Variants in SMAD4 observed in about 807,000 individuals in gnomAD.
SMAD4 encodes the protein SMAD family member 4.
In SMAD4, 7 loss-of-function variants were observed where a neutral mutation model predicts 63.2. That is an observed-to-expected ratio of 0.11 (90% CI 0.06 to 0.21). The LOEUF (loss-of-function observed/expected upper bound fraction) is 0.21. Ranked by LOEUF, SMAD4 falls within the 10% of genes least tolerant of loss-of-function variation. The pLI, the probability that SMAD4 is intolerant of heterozygous loss-of-function variation, is 1.00. For synonymous variants in SMAD4, 215 were observed against 235.4 expected, an observed-to-expected ratio of 0.91 and a Z score of 0.79; for missense variants, 312 against 693.8, an observed-to-expected ratio of 0.45 and a Z score of 6.18.
At position 51,064,467 on chromosome 18, in the gene SMAD4, G is replaced by C. The variant is rs112533050; in HGVS notation, c.956-956G>C. 5.2e-4 allele frequency among the ~76,000 whole-genome samples: 79 copies of C among 152,302 alleles called. 1 individual carries two copies. In the East Asian group the frequency reaches 0.013, roughly 25 times the overall value. ...CTCTGTGAGAACAGGGACTGTAGCT[G>C]TTTTGTTTTCTACTGTGTATGCAGT... On this transcript the variant is annotated intron_variant, in intron 8 of 11. Coordinates refer to ENST00000342988, the MANE Select transcript of SMAD4 (RefSeq NM_005359.6).
chr18:51,041,722 C>T (rs1909390693), intron 1 of SMAD4, among the ~76,000 whole-genome samples: 1 of 152,216 alleles, frequency 6.6e-6, no homozygotes, highest in African/African-American at 2.4e-5. Flanking sequence ...CATTTAAGGA[C>T]ATATGTAGAA....
At chr18:51,041,026 C>G (rs189449879) in intron 1 of SMAD4, among the ~76,000 whole-genome samples, 2 of 152,282 alleles carry the variant, frequency 1.3e-5, no homozygotes, top group East Asian at 3.9e-4. Context: ...AGACTCCAGT[C>G]TTTTCTACCT....
intron 1 of SMAD4, among the ~76,000 whole-genome samples, chr18:51,042,215 C>A (rs1256993598): frequency 6.6e-6 from 1 of 151,862 alleles, no homozygotes; most frequent in Non-Finnish European, 1.5e-5. Context: ...TAGCCCAGAA[C>A]CTAACTCTAT....
chr18:51,034,172 T>G (rs2144374927), intron 1 of SMAD4, among the ~76,000 whole-genome samples: 1 of 152,248 alleles, frequency 6.6e-6, no homozygotes, highest in Non-Finnish European at 1.5e-5. Context: ...CTCCCAATGT[T>G]TAGGGCAACG....
intron 9 of SMAD4, among the ~76,000 whole-genome samples, chr18:51,066,343 CAA>C (rs112954430): frequency 0.015 from 996 of 65,832 alleles, 6 homozygotes; most frequent in African/African-American, 0.043. Context: ...GACTCCATTT[CAA>C]AAAAAAAAAA....
intron 2 of SMAD4, 23 bp downstream of exon 2, chr18:51,047,318 T>C (rs2144402181): frequency 1.9e-6 from 3 of 1,607,278 alleles, no homozygotes; most frequent in Non-Finnish European, 2.6e-6. Flanking sequence ...AGAGTTTTTC[T>C]ATACCCTCTA....
At chr18:51,032,563 G>A (rs1472569215) in intron 1 of SMAD4, among the ~76,000 whole-genome samples, 1 of 152,160 alleles carries the variant, frequency 6.6e-6, no homozygotes, top group Non-Finnish European at 1.5e-5. Context: ...TCGAGCGATT[G>A]TGTGTGAATT....
intron 7 of SMAD4, among the ~76,000 whole-genome samples, chr18:51,059,650 A>G (rs1219725238): frequency 6.6e-6 from 1 of 152,244 alleles, no homozygotes; most frequent in East Asian, 1.9e-4. Flanking sequence ...CACTTGGCAG[A>G]TAGCACTGAA....
At chr18:51,072,895 C>T (rs1038913822) in intron 10 of SMAD4, among the ~76,000 whole-genome samples, 4 of 152,094 alleles carry the variant, frequency 2.6e-5, no homozygotes, top group African/African-American at 7.2e-5. Context: ...TCAATAATAG[C>T]TTTAATTTTT....
At position 51,084,980 on chromosome 18, in the gene SMAD4, C is replaced by T. The variant is rs76020793; in HGVS notation, c.*6513C>T. 1,266 of 210,200 alleles carry T rather than the reference C, an allele frequency of 6.0e-3. 16 individuals carry two copies. The highest frequency in any genetic ancestry group is 0.027 in the African/African-American group (1,176 of 44,090). The allele number at this position is 210,200 out of a possible 1,614,324, so 13.0% of individuals were successfully genotyped here. ...TTAAAGTCTGTGGCTAAAAAATAGTCGAACCTTTCTTGAGAACTCTGTAAC... is the reference window on the plus strand; with the variant it reads ...TTAAAGTCTGTGGCTAAAAAATAGTTGAACCTTTCTTGAGAACTCTGTAAC... On this transcript the variant is annotated 3_prime_UTR_variant, in exon 12 of 12. Coordinates refer to ENST00000342988, the MANE Select transcript of SMAD4 (RefSeq NM_005359.6).
At chr18:51,069,243 G>A (rs866135550) in intron 10 of SMAD4, among the ~76,000 whole-genome samples, 3 of 151,970 alleles carry the variant, frequency 2.0e-5, no homozygotes, top group South Asian at 2.1e-4. Flanking sequence ...TAGCCTCTCC[G>A]GTAGCTGGGA....
Position 51,057,322 on chromosome 18 carries a change from A to T in SMAD4, c.668-803A>T, listed in dbSNP as rs1258493187. Among the ~76,000 whole-genome samples, 7 of 151,106 alleles carry T rather than the reference A, an allele frequency of 4.6e-5. No individual in the cohort carries two copies. The East Asian group carries it at 7.8e-4, about 17-fold the overall frequency. The stretch of plus-strand genomic sequence containing the variant: ...CTTTAAGAAACCAAATTTCCACTTT[A>T]AAAAAAAAGCCTTAAAAATGTAGGA... On this transcript the variant is annotated intron_variant, in intron 5 of 11. Transcript: ENST00000342988.
rs976179914 is a variant in SMAD4, at chr18:51,084,193, C to T, written c.*5726C>T. ...GAGTTGGTGTGTGTGACACCACCCT[C>T]CTAAGTGGTGTGTGCTTGTAATTTT... On this transcript the variant is annotated 3_prime_UTR_variant, in exon 12 of 12. Coordinates refer to ENST00000342988, the MANE Select transcript of SMAD4 (RefSeq NM_005359.6). 21 of 230,468 alleles carry T rather than the reference C, an allele frequency of 9.1e-5. No homozygotes were observed. The highest frequency in any genetic ancestry group is 1.8e-4 in the Non-Finnish European group (21 of 116,500). 14.3% of individuals were successfully genotyped at this position (230,468 alleles called of 1,614,324 possible).
At chr18:51,037,789 A>G (rs1909247569) in intron 1 of SMAD4, among the ~76,000 whole-genome samples, 1 of 152,144 alleles carries the variant, frequency 6.6e-6, no homozygotes, top group Non-Finnish European at 1.5e-5. Flanking sequence ...AGCTATTTAG[A>G]TTTGAGTATT....
At chr18:51,047,840 C>T (rs920214201) in intron 2 of SMAD4, among the ~76,000 whole-genome samples, 3 of 152,114 alleles carry the variant, frequency 2.0e-5, no homozygotes, top group Non-Finnish European at 4.4e-5. Flanking sequence ...AACCGCTGAC[C>T]TCAGGTGATC....
chr18:51,044,418 G>T (rs1024320345), intron 1 of SMAD4, among the ~76,000 whole-genome samples: 2 of 152,038 alleles, frequency 1.3e-5, no homozygotes, highest in African/African-American at 4.8e-5. Flanking sequence ...TTGAGATAGG[G>T]TCTCACTGTG....
At chr18:51,037,951 C>A (rs927444650) in intron 1 of SMAD4, among the ~76,000 whole-genome samples, 5 of 151,954 alleles carry the variant, frequency 3.3e-5, no homozygotes, top group African/African-American at 1.2e-4. Context: ...TACTTAAAGA[C>A]TTTTCTGATG....
intron 1 of SMAD4, among the ~76,000 whole-genome samples, chr18:51,039,023 C>G (rs539040913): frequency 1.1e-3 from 168 of 152,248 alleles, no homozygotes; most frequent in Non-Finnish European, 1.6e-3. Flanking sequence ...ACGAGAATCA[C>G]TTGAACCTGG....
intron 9 of SMAD4, among the ~76,000 whole-genome samples, chr18:51,066,455 T>C (rs886353629): frequency 6.6e-5 from 10 of 152,280 alleles, no homozygotes; most frequent in Non-Finnish European, 1.3e-4. Context: ...AGGATGTGTG[T>C]GCTAAAGAAC....
Sources: gnomAD v4.1 joint callset for allele counts (sites outside exome capture counted in the v4.1 genomes callset) on GRCh38, gnomAD v4.1.1 for gene constraint, MANE v1.5 for transcripts, NCBI Gene and HGNC (gene_info 2026-07-23, HGNC 2026-07-21) for gene names.